Variants in PLEKHF2 observed in about 807,000 individuals in gnomAD.
PLEKHF2 encodes pleckstrin homology domain-containing family F member 2.
PLEKHF2 carries 4 observed loss-of-function variants against 14.7 expected under a neutral mutation model. The ratio of observed to expected loss-of-function variants is 0.27; its 90% CI spans 0.13 to 0.62. PLEKHF2 has a LOEUF of 0.62. Ranked by LOEUF, PLEKHF2 falls within the 20% of genes least tolerant of loss-of-function variation. The probability of loss-of-function intolerance (pLI) is 0.85; values close to 1 mark genes in which losing one functional copy is unlikely to be tolerated. For missense variants in PLEKHF2, 201 were observed against 307.7 expected (o/e 0.65, Z 2.60); for synonymous variants, 90 against 103.5 (o/e 0.87, Z 0.79).
At chr8:95,139,440 G>A (rs932869453) in intron 1 of PLEKHF2, among the ~76,000 whole-genome samples, 1 of 152,176 alleles carries the variant, frequency 6.6e-6, no homozygotes, top group African/African-American at 2.4e-5. Flanking sequence ...CTGGGAGGTA[G>A]AGGTTGCAGT....
intron 1 of PLEKHF2, among the ~76,000 whole-genome samples, chr8:95,141,111 T>C (rs148631702): frequency 7.4e-4 from 112 of 152,368 alleles, no homozygotes; most frequent in Non-Finnish European, 1.2e-3. Context: ...GAGCAAGTGA[T>C]AATAAATGTT....
At chr8:95,142,693 T>G (rs189231105) in intron 1 of PLEKHF2, among the ~76,000 whole-genome samples, 29 of 152,364 alleles carry the variant, frequency 1.9e-4, no homozygotes, top group Admixed American at 1.8e-3. Context: ...ATCATCATTT[T>G]TTATTTACTA....
chr8:95,154,848 G>A lies in PLEKHF2; in HGVS notation c.*54G>A. 2.5e-6 allele frequency: 4 copies of A among 1,576,874 alleles called. No individual in the cohort carries two copies. The highest frequency in any genetic ancestry group is 3.5e-6 in the Non-Finnish European group (4 of 1,156,568). ...GTGGCTATCTGAGAAATCAACTTTG[G>A]GGGAAATGTAAGATTCTGAGCTCTC... On this transcript the variant is annotated 3_prime_UTR_variant, in exon 2 of 2. Transcript: ENST00000315367. This position sits in a 1 kb window ranked among gnomAD's most constrained non-coding sequence, Gnocchi z 5.6.
At chr8:95,150,997 G>A (rs1810555996) in intron 1 of PLEKHF2, among the ~76,000 whole-genome samples, 1 of 152,140 alleles carries the variant, frequency 6.6e-6, no homozygotes, top group Non-Finnish European at 1.5e-5. Context: ...AGGAAATACA[G>A]TAATAAGTGC....
chr8:95,145,589 A>G (rs139536472), intron 1 of PLEKHF2, among the ~76,000 whole-genome samples: 4,311 of 151,982 alleles, frequency 0.028, 213 homozygotes, highest in African/African-American at 0.099. Flanking sequence ...ACGCCTGGCT[A>G]ATTTTTTTGT....
intron 1 of PLEKHF2, among the ~76,000 whole-genome samples, chr8:95,151,684 T>A (rs1307501625): frequency 6.6e-6 from 1 of 152,012 alleles, no homozygotes; most frequent in East Asian, 1.9e-4. Flanking sequence ...TATTATTTTT[T>A]AAAATTTTTA....
chr8:95,145,007 A>C (rs966090850), intron 1 of PLEKHF2, among the ~76,000 whole-genome samples: 2 of 152,148 alleles, frequency 1.3e-5, no homozygotes, highest in African/African-American at 4.8e-5. Flanking sequence ...TAAATGAAAG[A>C]GTATAATGTG....
intron 1 of PLEKHF2, among the ~76,000 whole-genome samples, chr8:95,149,429 G>C (rs527839182): frequency 1.8e-4 from 27 of 152,264 alleles, no homozygotes; most frequent in African/African-American, 5.8e-4. Context: ...GAAGAAAAGC[G>C]TAATACCCAG....
At chr8:95,146,775 T>A (rs2132108763) in intron 1 of PLEKHF2, among the ~76,000 whole-genome samples, 1 of 151,976 alleles carries the variant, frequency 6.6e-6, no homozygotes, top group South Asian at 2.1e-4. Context: ...AACTGTGAAT[T>A]AACACTGCCA....
At chr8:95,135,348 C>T (rs982959036) in intron 1 of PLEKHF2, among the ~76,000 whole-genome samples, 1 of 152,192 alleles carries the variant, frequency 6.6e-6, no homozygotes, top group Non-Finnish European at 1.5e-5. Context: ...TCTAAAAATA[C>T]AGCTTCTGCT....
At chr8:95,135,736 C>G (rs1042472384) in intron 1 of PLEKHF2, among the ~76,000 whole-genome samples, 1 of 152,162 alleles carries the variant, frequency 6.6e-6, no homozygotes, top group African/African-American at 2.4e-5. Flanking sequence ...ATGTAGCAGC[C>G]AAACTGGTAT....
intron 1 of PLEKHF2, among the ~76,000 whole-genome samples, chr8:95,142,207 A>G (rs547555231): frequency 6.6e-6 from 1 of 152,236 alleles, no homozygotes; most frequent in East Asian, 1.9e-4. Flanking sequence ...ATTCCTCAGT[A>G]GTGTTTTAGT....
Position 95,155,966 on chromosome 8 carries a change from A to G in PLEKHF2, c.*1172A>G, listed in dbSNP as rs1810614509. 1 of 167,052 alleles carries G rather than the reference A, an allele frequency of 6.0e-6. No homozygotes were observed. Among genetic ancestry groups the G allele is most frequent in the Admixed American group, 6.5e-5 (1 of 15,278 alleles). The allele number at this position is 167,052 out of a possible 1,614,324, so 10.3% of individuals were successfully genotyped here. A position where few individuals can be genotyped will look rare whatever the true frequency, so the allele number is the denominator to read the frequency against. ...TTTTTGTAAAACAATTGTATGTATA[A>G]TCTGTATTTGAAATCATTTTGCAAT... is the stretch of plus-strand genomic sequence containing the variant. On this transcript the variant is annotated 3_prime_UTR_variant, in exon 2 of 2. Coordinates refer to ENST00000315367, the MANE Select transcript of PLEKHF2 (RefSeq NM_024613.4).
chr8:95,154,122 T>C lies in PLEKHF2; in HGVS notation c.78T>C (p.Gly26=). 1 of 1,613,944 alleles carries C rather than the reference T, an allele frequency of 6.2e-7. No individual in the cohort carries two copies. Among genetic ancestry groups the C allele is most frequent in the Non-Finnish European group, 8.5e-7 (1 of 1,179,910 alleles). ...SIVENCFGAA[G]QPLTIPGRVL... ...TGGAAAACTGTTTTGGAGCAGCTGG[T>C]CAACCTTTAACTATACCTGGACGAG... The change falls in exon 2 of 2, where the codon GGT becomes GGC. Residue 26 remains glycine (G), a synonymous_variant. Coordinates refer to ENST00000315367, the MANE Select transcript of PLEKHF2 (RefSeq NM_024613.4). The surrounding 1 kb of genome is among the most constrained non-coding windows in gnomAD (Gnocchi z 5.6).
At chr8:95,142,787 C>T (rs1810452725) in intron 1 of PLEKHF2, among the ~76,000 whole-genome samples, 1 of 152,130 alleles carries the variant, frequency 6.6e-6, no homozygotes, top group South Asian at 2.1e-4. Flanking sequence ...CAGGATCTGC[C>T]TTGCTCAATA....
rs1248115163 is a variant in PLEKHF2 at position 95,154,165 on chromosome 8, G to C, written c.121G>C (p.Val41Leu). 6.2e-7 allele frequency: 1 copy of C among 1,613,996 alleles called. No individual in the cohort carries two copies. The highest frequency in any genetic ancestry group is 8.5e-7 in the Non-Finnish European group (1 of 1,179,946). The change falls in exon 2 of 2, where the codon GTA becomes CTA. Residue 41 changes from valine (V) to leucine (L), a missense_variant. Transcript: ENST00000315367. This position sits in a 1 kb window ranked among gnomAD's most constrained non-coding sequence, Gnocchi z 5.6. ...IPGRVLIGEGVLTKLCRKKPK... is the reference protein window; with the variant it reads ...IPGRVLIGEGLLTKLCRKKPK... ...TGGACGAGTTCTTATTGGAGAAGGA[G>C]TATTGACTAAGTTGTGCAGGAAAAA...
Position 95,153,753 on chromosome 8 carries a change from TTTCA to T in PLEKHF2, c.-14-273_-14-270del, listed in dbSNP as rs561104595. Among the ~76,000 whole-genome samples, 4 of 152,336 alleles carry T rather than the reference TTTCA, an allele frequency of 2.6e-5. No individual in the cohort carries two copies. The South Asian group carries it at 8.3e-4, about 32-fold the overall frequency. ...AAGTTATGTTAATTATCCAATCGTC[TTTCA>T]TTCAATTATGTCTGTAGGAAGTTTA... On this transcript the variant is annotated intron_variant, in intron 1 of 1. Transcript: ENST00000315367.
intron 1 of PLEKHF2, among the ~76,000 whole-genome samples, chr8:95,138,353 T>C (rs1456184745): frequency 2.1e-4 from 15 of 71,880 alleles, no homozygotes; most frequent in Middle Eastern, 6.9e-3. Flanking sequence ...TTCTTCATCT[T>C]CCCCCCCCCC....
At chr8:95,151,229 C>A (rs919144017) in intron 1 of PLEKHF2, among the ~76,000 whole-genome samples, 3 of 152,004 alleles carry the variant, frequency 2.0e-5, no homozygotes, top group Non-Finnish European at 4.4e-5. Context: ...AAGCACAGTA[C>A]AAATTTATGA....
Sources: gnomAD v4.1 joint callset for allele counts (sites outside exome capture counted in the v4.1 genomes callset) on GRCh38, gnomAD v4.1.1 for gene constraint, Gnocchi (gnomAD v3.1) non-coding constraint, MANE v1.5 for transcripts, NCBI Gene and HGNC (gene_info 2026-07-23, HGNC 2026-07-21) for gene names.